RERG: variants seen among roughly 807,000 people sequenced by gnomAD.
The protein encoded by RERG is RAS like estrogen regulated growth inhibitor, also known as ras-related and estrogen-regulated growth inhibitor.
RERG carries 25 observed loss-of-function variants against 23.2 expected under a neutral mutation model. The ratio of observed to expected loss-of-function variants is 1.08; its 90% CI spans 0.79 to 1.50. RERG has a LOEUF of 1.50. RERG is among the 40% of genes most tolerant of loss of function. The pLI is 0.00. For synonymous variants in RERG, 81 were observed against 89.1 expected, an observed-to-expected ratio of 0.91 and a Z score of 0.51; for missense variants, 253 against 250.1, an observed-to-expected ratio of 1.01 and a Z score of -0.08.
chr12:15,130,891 C>T (rs1864034234), intron 2 of RERG, among the ~76,000 whole-genome samples: 1 of 151,960 alleles, frequency 6.6e-6, no homozygotes, highest in South Asian at 2.1e-4. Flanking sequence ...AGTCTAGCTT[C>T]AGTGCATCTC....
intron 2 of RERG, among the ~76,000 whole-genome samples, chr12:15,145,534 C>T (rs1330606592): frequency 2.0e-5 from 3 of 152,220 alleles, no homozygotes; most frequent in East Asian, 3.9e-4. Flanking sequence ...GATGCTAGCT[C>T]CCTGGCTCTG....
intron 2 of RERG, among the ~76,000 whole-genome samples, chr12:15,214,723 C>T (rs192777664): frequency 3.3e-5 from 5 of 152,190 alleles, no homozygotes; most frequent in Admixed American, 2.6e-4. Context: ...AGGACACACT[C>T]GTAGTCCTAG....
chr12:15,173,074 C>T (rs1439387160), intron 2 of RERG, among the ~76,000 whole-genome samples: 1 of 151,964 alleles, frequency 6.6e-6, no homozygotes, highest in Non-Finnish European at 1.5e-5. Flanking sequence ...GTCACAAACA[C>T]TCTTAGGTTT....
chr12:15,126,405 T>C (rs1346732506), intron 2 of RERG, among the ~76,000 whole-genome samples: 1 of 151,970 alleles, frequency 6.6e-6, no homozygotes, highest in Non-Finnish European at 1.5e-5. Flanking sequence ...CTAACACACA[T>C]ACATAGACAA....
rs564305620 is a variant in RERG at position 15,192,234 on chromosome 12, T to C, written c.61+25195A>G. 7.2e-5 allele frequency among the ~76,000 whole-genome samples: 11 copies of C among 152,306 alleles called. No homozygotes were observed. The East Asian group carries it at 1.9e-3, about 27-fold the overall frequency. ...CTGTCTCTCTTGCTCCTGCTCCTGCTATGCGATATGCCTGCTTGCCTTCTG... is the reference window on the plus strand; with the variant it reads ...CTGTCTCTCTTGCTCCTGCTCCTGCCATGCGATATGCCTGCTTGCCTTCTG... On this transcript the variant is annotated intron_variant, in intron 2 of 4. Transcript: ENST00000256953.
chr12:15,193,897 G>A (rs939988090), intron 2 of RERG, among the ~76,000 whole-genome samples: 4 of 152,064 alleles, frequency 2.6e-5, no homozygotes, highest in Non-Finnish European at 5.9e-5. Flanking sequence ...GTAGGTAAAC[G>A]ATTCAGGTTA....
intron 2 of RERG, among the ~76,000 whole-genome samples, chr12:15,212,075 C>T (rs1464872163): frequency 3.2e-5 from 2 of 61,938 alleles, no homozygotes; most frequent in Non-Finnish European, 7.1e-5. Context: ...TTTTTTGAGA[C>T]GGAGTCTCGC....
At chr12:15,120,930 T>C in intron 3 of RERG, 133 bp downstream of exon 3, 1 of 719,664 alleles carries the variant, frequency 1.4e-6, no homozygotes, top group Non-Finnish European at 2.5e-6. Flanking sequence ...CATAGAGGGC[T>C]TCTTTGCATG....
At chr12:15,111,439 A>C (rs1193930205) in intron 3 of RERG, 22 bp from the exon 4 acceptor site, 2 of 1,558,708 alleles carry the variant, frequency 1.3e-6, no homozygotes, top group African/African-American at 2.7e-5. Context: ...AGCAAATAAA[A>C]AAGACAAAAA....
intron 2 of RERG, among the ~76,000 whole-genome samples, chr12:15,148,863 T>G (rs1325866409): frequency 0.02 from 1,753 of 89,524 alleles, 27 homozygotes; most frequent in Non-Finnish European, 0.025. Flanking sequence ...TTTTTTTTTT[T>G]TTTTTTTTTT....
At chr12:15,135,761 T>C (rs1864134507) in intron 2 of RERG, among the ~76,000 whole-genome samples, 1 of 152,168 alleles carries the variant, frequency 6.6e-6, no homozygotes, top group South Asian at 2.1e-4. Context: ...CACTTGGTCA[T>C]GGCATATACA....
At chr12:15,161,158 GAA>G (rs1167518898) in intron 2 of RERG, among the ~76,000 whole-genome samples, 1 of 106,514 alleles carries the variant, frequency 9.4e-6, no homozygotes, top group South Asian at 3.6e-4. Context: ...AAGAAAGAAA[GAA>G]AGAAAGAAAG....
At chr12:15,124,843 T>C (rs975186143) in intron 2 of RERG, among the ~76,000 whole-genome samples, 1 of 152,004 alleles carries the variant, frequency 6.6e-6, no homozygotes, top group Non-Finnish European at 1.5e-5. Context: ...GATTTTTTTT[T>C]GGTTAGGAAA....
At chr12:15,202,581 A>G (rs2136142052) in intron 2 of RERG, among the ~76,000 whole-genome samples, 1 of 151,916 alleles carries the variant, frequency 6.6e-6, no homozygotes, top group South Asian at 2.1e-4. Context: ...TTCACTTAGC[A>G]TAATGTTTTC....
intron 3 of RERG, among the ~76,000 whole-genome samples, chr12:15,119,037 C>A (rs1591634411): frequency 8.0e-6 from 1 of 124,584 alleles, no homozygotes; most frequent in Admixed American, 9.2e-5. Flanking sequence ...TATGCTGGAA[C>A]AAAAGTGACC....
At chr12:15,165,208 G>A (rs940487732) in intron 2 of RERG, among the ~76,000 whole-genome samples, 1 of 152,022 alleles carries the variant, frequency 6.6e-6, no homozygotes, top group Admixed American at 6.5e-5. Flanking sequence ...TTTGAGCGGC[G>A]ACCACTCAAA....
intron 2 of RERG, among the ~76,000 whole-genome samples, chr12:15,158,814 T>C (rs1477019086): frequency 2.6e-5 from 4 of 152,196 alleles, no homozygotes; most frequent in African/African-American, 4.8e-5. Flanking sequence ...TGTCCCATCA[T>C]TGGTGACATG....
Position 15,217,449 on chromosome 12 carries a change from CT to C in RERG, c.40del (p.Arg14GlufsTer10). ...SAEVKLAIFG[R>X]AGVGKSALVV... ...CTTACCTGACTTGCCCACGCCTGCTCTCCCAAATATTGCCAGTTTGACCTCC... is the reference window on the plus strand; with the variant it reads ...CTTACCTGACTTGCCCACGCCTGCTCCCCAAATATTGCCAGTTTGACCTCC... On this transcript the variant is annotated frameshift_variant, in exon 2 of 5. Transcript: ENST00000256953. LOFTEE classifies it high-confidence loss of function. 1 of 1,613,390 alleles carries C rather than the reference CT, an allele frequency of 6.2e-7. No homozygotes were observed. Among genetic ancestry groups the C allele is most frequent in the Non-Finnish European group, 8.5e-7 (1 of 1,179,316 alleles).
chr12:15,151,365 A>G (rs1864438899), intron 2 of RERG, among the ~76,000 whole-genome samples: 1 of 152,236 alleles, frequency 6.6e-6, no homozygotes, highest in South Asian at 2.1e-4. Flanking sequence ...TGAACCATTT[A>G]CATAAACATA....
Sources: allele counts gnomAD v4.1 joint callset (sites outside exome capture counted in the v4.1 genomes callset), GRCh38; gene constraint gnomAD v4.1.1; transcripts MANE v1.5; gene names NCBI Gene and HGNC (gene_info 2026-07-23, HGNC 2026-07-21).